The following ADAMTS12 variants were observed in gnomAD, a reference collection of about 807,000 sequenced individuals.
The protein encoded by ADAMTS12 is A disintegrin and metalloproteinase with thrombospondin motifs 12.
ADAMTS12 carries 118 observed loss-of-function variants against 167.8 expected under a neutral mutation model. The ratio of observed to expected loss-of-function variants is 0.70; its 90% CI spans 0.61 to 0.82. ADAMTS12 has a LOEUF of 0.82. ADAMTS12 is among the 40% of genes least tolerant of loss of function. The probability of loss-of-function intolerance (pLI) is 0.00; values close to 1 mark genes in which losing one functional copy is unlikely to be tolerated. For synonymous variants in ADAMTS12, 704 were observed against 716.9 expected, an observed-to-expected ratio of 0.98 and a Z score of 0.29; for missense variants, 1,916 against 1,998.8, an observed-to-expected ratio of 0.96 and a Z score of 0.79.
rs1435628598 is a variant in ADAMTS12 at position 33,524,600 on chromosome 5, G to A, written c.*2588C>T. On this transcript the variant is annotated 3_prime_UTR_variant, in exon 24 of 24. Coordinates refer to ENST00000504830, the MANE Select transcript of ADAMTS12 (RefSeq NM_030955.4). ...TACCATGCAGGTTCCTGTCTTCAGA[G>A]TCTTCCTGTTGATCTGAGTCCCCTC... is the stretch of plus-strand genomic sequence containing the variant. The A allele has an allele frequency of 6.6e-6, 1 of 152,200 alleles. No homozygotes were observed. The highest frequency in any genetic ancestry group is 2.4e-5 in the African/African-American group (1 of 41,448). The allele number at this position is 152,200 out of a possible 1,614,324, so 9.4% of individuals were successfully genotyped here. A position where few individuals can be genotyped will look rare whatever the true frequency, so the allele number is the denominator to read the frequency against.
chr5:33,830,088 G>A (rs530948810), intron 2 of ADAMTS12, among the ~76,000 whole-genome samples: 2 of 152,300 alleles, frequency 1.3e-5, no homozygotes, highest in Admixed American at 1.3e-4. Context: ...AATTTGAAAT[G>A]AGGTAGACAT....
rs10051254 is a variant in ADAMTS12, at chr5:33,789,211, C to T, written c.490-37663G>A. On this transcript the variant is annotated intron_variant, in intron 2 of 23. Coordinates refer to ENST00000504830, the MANE Select transcript of ADAMTS12 (RefSeq NM_030955.4). ...CACACTCAGCAAGGAGAGAGCCTGA[C>T]GGCTGCTGTGTCCCAGGCCCAAGGC... 4.3e-3 allele frequency among the ~76,000 whole-genome samples: 660 copies of T among 152,340 alleles called. 6 individuals carry two copies. The highest frequency in any genetic ancestry group is 0.015 in the African/African-American group (633 of 41,584).
chr5:33,668,258 G>A (rs1257372149), intron 5 of ADAMTS12, among the ~76,000 whole-genome samples: 2 of 132,558 alleles, frequency 1.5e-5, no homozygotes, highest in Admixed American at 8.3e-5. Context: ...ATAAAGTGTT[G>A]AATAGCTCAT....
chr5:33,615,537 A>G (rs1738959297), intron 15 of ADAMTS12, among the ~76,000 whole-genome samples: 2 of 152,176 alleles, frequency 1.3e-5, no homozygotes, highest in African/African-American at 2.4e-5. Flanking sequence ...CCGTGCCACA[A>G]TGACAATAGA....
At chr5:33,884,691 A>T (rs1750576237) in intron 1 of ADAMTS12, among the ~76,000 whole-genome samples, 1 of 152,176 alleles carries the variant, frequency 6.6e-6, no homozygotes, top group African/African-American at 2.4e-5. Flanking sequence ...TCAGAATCAC[A>T]CCATCACCCT....
intron 2 of ADAMTS12, among the ~76,000 whole-genome samples, chr5:33,788,369 T>C (rs192360139): frequency 9.2e-5 from 14 of 151,416 alleles, no homozygotes; most frequent in Admixed American, 3.3e-4. Context: ...ACTGGAATCA[T>C]AGGCAAATGT....
At position 33,615,812 on chromosome 5, in the gene ADAMTS12, C is replaced by T. The variant is rs748962432; in HGVS notation, c.2388+16G>A. 2 of 1,613,482 alleles carry T rather than the reference C, an allele frequency of 1.2e-6. No homozygotes were observed. The highest frequency in any genetic ancestry group is 3.3e-5 in the Admixed American group (2 of 59,928). On this transcript the variant is annotated intron_variant, in intron 15 of 23. Coordinates refer to ENST00000504830, the MANE Select transcript of ADAMTS12 (RefSeq NM_030955.4). ...ACTAGCACACATGTCAGCAGTTTCC[C>T]TCCTTTCTGCATTACCTGGATCCAC...
rs117453571 is a variant in ADAMTS12, at chr5:33,688,549, G to C, written c.635-4494C>G. Among the ~76,000 whole-genome samples, 12 of 152,276 alleles carry C rather than the reference G, an allele frequency of 7.9e-5. No individual in the cohort carries two copies. The East Asian group carries it at 2.3e-3, about 29-fold the overall frequency. On this transcript the variant is annotated intron_variant, in intron 3 of 23. Coordinates refer to ENST00000504830, the MANE Select transcript of ADAMTS12 (RefSeq NM_030955.4). ...CAAAGCTCTATTTAGGGATTTTGCA[G>C]ATGGCAGAGCCCTCACCTGCTGATC...
At chr5:33,616,195 G>A (rs1388118599) in intron 14 of ADAMTS12, 123 bp from the exon 15 acceptor site, 2 of 1,356,876 alleles carry the variant, frequency 1.5e-6, no homozygotes, top group African/African-American at 1.5e-5. Flanking sequence ...TTGCTGGGTG[G>A]CCACTGGAAT....
intron 6 of ADAMTS12, among the ~76,000 whole-genome samples, chr5:33,659,248 C>G (rs79528292): frequency 0.03 from 4,638 of 152,212 alleles, 78 homozygotes; most frequent in East Asian, 0.044. Flanking sequence ...GGTAATAGGA[C>G]AGGAAAGAGC....
rs199990939 is a variant in ADAMTS12 at position 33,855,704 on chromosome 5, CT to C, written c.489+25414del. ...CTCTGCATATTTATAGAATGTGAGT[CT>C]TTATATAATTGTATCTTTTTTGTTG... On this transcript the variant is annotated intron_variant, in intron 2 of 23. Coordinates refer to ENST00000504830, the MANE Select transcript of ADAMTS12 (RefSeq NM_030955.4). 8.0e-3 allele frequency among the ~76,000 whole-genome samples: 1,212 copies of C among 151,916 alleles called. 20 individuals are homozygous for C. Among genetic ancestry groups the C allele is most frequent in the African/African-American group, 0.028 (1,159 of 41,384 alleles).
At chr5:33,887,148 G>A (rs191105514) in intron 1 of ADAMTS12, among the ~76,000 whole-genome samples, 8 of 152,098 alleles carry the variant, frequency 5.3e-5, no homozygotes, top group South Asian at 4.1e-4. Flanking sequence ...ATATGACAGC[G>A]ATGGAGAAAT....
intron 2 of ADAMTS12, among the ~76,000 whole-genome samples, chr5:33,803,704 T>C (rs28727882): frequency 0.11 from 17,029 of 152,052 alleles, 1,283 homozygotes; most frequent in East Asian, 0.36. Context: ...GGCCTCACAA[T>C]CATGGCGAAA....
At chr5:33,529,024 A>C (rs893461889) in intron 23 of ADAMTS12, among the ~76,000 whole-genome samples, 2 of 152,170 alleles carry the variant, frequency 1.3e-5, no homozygotes, top group African/African-American at 4.8e-5. Context: ...CAGCCTGGGC[A>C]ACAAGAGTGA....
intron 2 of ADAMTS12, among the ~76,000 whole-genome samples, chr5:33,768,165 G>A (rs1442736956): frequency 6.6e-6 from 1 of 152,234 alleles, no homozygotes; most frequent in African/African-American, 2.4e-5. Flanking sequence ...AGGTCTCCAT[G>A]CTATGGAAGA....
At chr5:33,573,012 G>C (rs1746473102) in intron 19 of ADAMTS12, among the ~76,000 whole-genome samples, 1 of 151,600 alleles carries the variant, frequency 6.6e-6, no homozygotes, top group African/African-American at 2.4e-5. Context: ...GCTTCAAAGA[G>C]AATAAAATAC....
At chr5:33,716,357 T>C (rs983802893) in intron 3 of ADAMTS12, among the ~76,000 whole-genome samples, 4 of 152,186 alleles carry the variant, frequency 2.6e-5, no homozygotes, top group Non-Finnish European at 5.9e-5. Flanking sequence ...AATTAACCAG[T>C]CTAAGACTGT....
At chr5:33,720,284 TCACACACACACA>T (rs3071626) in intron 3 of ADAMTS12, among the ~76,000 whole-genome samples, 1 of 147,802 alleles carries the variant, frequency 6.8e-6, no homozygotes, top group East Asian at 2.0e-4. Context: ...TCTCTCTCAC[TCACACACACACA>T]CACACACACA....
At chr5:33,569,223 G>A (rs1473086498) in intron 19 of ADAMTS12, among the ~76,000 whole-genome samples, 4 of 152,248 alleles carry the variant, frequency 2.6e-5, no homozygotes, top group Non-Finnish European at 5.9e-5. Context: ...GTCCTGGGCT[G>A]ACAGCTCTGA....
Sources: allele counts gnomAD v4.1 joint callset (sites outside exome capture counted in the v4.1 genomes callset), GRCh38; gene constraint gnomAD v4.1.1; transcripts MANE v1.5; gene names NCBI Gene and HGNC (gene_info 2026-07-23, HGNC 2026-07-21).